Variants in SLIT3 observed in about 807,000 individuals in gnomAD.
SLIT3 encodes the protein slit homolog 3 protein.
In SLIT3, 68 loss-of-function variants were observed where a neutral mutation model predicts 184.0. That is an observed-to-expected ratio of 0.37 (90% CI 0.30 to 0.45). The LOEUF (loss-of-function observed/expected upper bound fraction) is 0.45. Among genes scored for constraint, SLIT3 ranks in the 20% least tolerant of loss-of-function variants. The pLI is 1.00. For missense variants in SLIT3, 1,707 were observed against 2,026.0 expected (o/e 0.84, Z 3.02); for synonymous variants, 831 against 828.6 (o/e 1.00, Z -0.05).
chr5:168,688,164 A>C (rs1761803346), intron 29 of SLIT3, among the ~76,000 whole-genome samples: 1 of 152,244 alleles, frequency 6.6e-6, no homozygotes, highest in Non-Finnish European at 1.5e-5. Flanking sequence ...CCACAGGCAC[A>C]TATAAGCAAA....
At chr5:168,713,631 C>T (rs1762628782) in intron 23 of SLIT3, among the ~76,000 whole-genome samples, 1 of 152,214 alleles carries the variant, frequency 6.6e-6, no homozygotes, top group African/African-American at 2.4e-5. Context: ...AGTGGAAGTA[C>T]AGATGGAATA....
At chr5:169,083,467 T>C (rs891483639) in intron 4 of SLIT3, among the ~76,000 whole-genome samples, 4 of 152,178 alleles carry the variant, frequency 2.6e-5, no homozygotes, top group African/African-American at 9.7e-5. Flanking sequence ...AACAGGTGAA[T>C]GGTGTTGAGG....
At chr5:169,020,114 T>C (rs550131244) in intron 4 of SLIT3, among the ~76,000 whole-genome samples, 24 of 150,038 alleles carry the variant, frequency 1.6e-4, no homozygotes, top group East Asian at 8.8e-4. Context: ...CAGAGGTGAG[T>C]GGTTAAGAGA....
At chr5:169,076,884 A>C (rs1478272467) in intron 4 of SLIT3, among the ~76,000 whole-genome samples, 1 of 152,146 alleles carries the variant, frequency 6.6e-6, no homozygotes, top group African/African-American at 2.4e-5. Flanking sequence ...CTTAGGATAT[A>C]ATAAAAATAT....
At chr5:169,150,312 T>A (rs773200781) in intron 4 of SLIT3, among the ~76,000 whole-genome samples, 2 of 152,168 alleles carry the variant, frequency 1.3e-5, no homozygotes, top group Non-Finnish European at 1.5e-5. Flanking sequence ...GTGCTTGCCA[T>A]GATCTGGTCT....
At chr5:169,024,228 G>C (rs1403440326) in intron 4 of SLIT3, 2 of 152,200 alleles carry the variant, frequency 1.3e-5, no homozygotes, top group African/African-American at 4.8e-5. Flanking sequence ...GTCCACCCCG[G>C]GAGGAAGCAG....
chr5:169,050,106 CAACAG>C (rs1238429277), intron 4 of SLIT3, among the ~76,000 whole-genome samples: 1 of 152,066 alleles, frequency 6.6e-6, no homozygotes, highest in African/African-American at 2.4e-5. Context: ...CTACAGTCAG[CAACAG>C]AACAGAATAG....
chr5:169,010,494 C>G (rs1309912528), intron 4 of SLIT3, among the ~76,000 whole-genome samples: 1 of 152,126 alleles, frequency 6.6e-6, no homozygotes, highest in Non-Finnish European at 1.5e-5. Context: ...CTAAATCTGG[C>G]AGCCCTAGAT....
chr5:169,210,471 G>A (rs931038404), intron 3 of SLIT3, among the ~76,000 whole-genome samples: 6 of 152,172 alleles, frequency 3.9e-5, no homozygotes, highest in Non-Finnish European at 8.8e-5. Context: ...TGCATGAATT[G>A]ACAAAAACCA....
At position 168,878,925 on chromosome 5, in the gene SLIT3, G is replaced by C. The variant is rs548124842; in HGVS notation, c.485+4340C>G. Among the ~76,000 whole-genome samples the C allele has an allele frequency of 1.3e-4, 20 of 152,168 alleles. 1 individual carries two copies. The South Asian group carries it at 3.5e-3, about 27-fold the overall frequency. ...AGATGGGGTTTCACCATGTTGGCCA[G>C]GCTGGTCTCGAATTCCTGACCTCAG... On this transcript the variant is annotated intron_variant, in intron 5 of 35. Coordinates refer to ENST00000519560, the MANE Select transcript of SLIT3 (RefSeq NM_003062.4).
intron 27 of SLIT3, among the ~76,000 whole-genome samples, chr5:168,698,429 A>T (rs1762122113): frequency 1.3e-5 from 2 of 152,278 alleles, no homozygotes; most frequent in East Asian, 1.9e-4. Context: ...ATGCAGGCAG[A>T]GAGAGGGGTG....
chr5:169,117,039 G>A (rs1405642316), intron 4 of SLIT3, among the ~76,000 whole-genome samples: 3 of 152,164 alleles, frequency 2.0e-5, no homozygotes, highest in African/African-American at 7.2e-5. Context: ...GGGCTTGAAA[G>A]GGTTGGCTCC....
intron 8 of SLIT3, among the ~76,000 whole-genome samples, chr5:168,808,599 A>G (rs1757057628): frequency 2.0e-5 from 3 of 152,174 alleles, no homozygotes; most frequent in Non-Finnish European, 2.9e-5. Flanking sequence ...TGTTTGTAAG[A>G]CTTTTGGCAA....
Position 168,673,274 on chromosome 5 carries a change from C to G in SLIT3, c.3744G>C (p.Gln1248His). The change falls in exon 33 of 36, where the codon CAG (glutamine) becomes CAC (histidine). Residue 1248 changes from glutamine (Q) to histidine (H), a missense_variant. By Grantham distance (24) the Gln-to-His change is conservative. This residue lies in a region of SLIT3 where 387 missense variants were observed against 477.9 expected (regional missense o/e 0.81). Transcript: ENST00000519560. ...CTTTGTCCACTACTAGGTTCAGGGT[C>G]TGGTTTAGCGTCACCAGCTCCACAC... The part of the protein sequence containing the change: ...FHSVELVTLN[Q>H]TLNLVVDKGT... 1.9e-6 allele frequency: 3 copies of G among 1,614,094 alleles called. No homozygotes were observed. The highest frequency in any genetic ancestry group is 2.5e-6 in the Non-Finnish European group (3 of 1,180,012).
intron 4 of SLIT3, among the ~76,000 whole-genome samples, chr5:168,951,112 C>T (rs557830363): frequency 1.3e-5 from 2 of 152,256 alleles, no homozygotes; most frequent in African/African-American, 4.8e-5. Context: ...CCCGGCTACT[C>T]AGGAGGATGA....
chr5:168,669,729 T>C (rs1761175600), intron 35 of SLIT3, 54 bp downstream of exon 35: 6 of 1,437,970 alleles, frequency 4.2e-6, no homozygotes, highest in Non-Finnish European at 5.8e-6. Context: ...GATCTGGATG[T>C]GAAGTCCAAC....
At position 168,873,194 on chromosome 5, in the gene SLIT3, G is replaced by A. The variant is rs115257964; in HGVS notation, c.485+10071C>T. Among the ~76,000 whole-genome samples, 1,430 of 152,202 alleles carry A rather than the reference G, an allele frequency of 9.4e-3. 18 individuals are homozygous for A. Among genetic ancestry groups the A allele is most frequent in the African/African-American group, 0.032 (1,324 of 41,512 alleles). ...GAGTCCACGCTAATCTTGGGATCCCGCTGTAGCCTTGCCATGACCCATTCT... is the reference window on the plus strand; with the variant it reads ...GAGTCCACGCTAATCTTGGGATCCCACTGTAGCCTTGCCATGACCCATTCT... On this transcript the variant is annotated intron_variant, in intron 5 of 35. Coordinates refer to ENST00000519560, the MANE Select transcript of SLIT3 (RefSeq NM_003062.4).
At chr5:169,255,224 TCC>T (rs1765909747) in intron 1 of SLIT3, among the ~76,000 whole-genome samples, 1 of 152,236 alleles carries the variant, frequency 6.6e-6, no homozygotes, top group African/African-American at 2.4e-5. Flanking sequence ...TAGAGCATAC[TCC>T]TTCTACTTAT....
intron 28 of SLIT3, among the ~76,000 whole-genome samples, chr5:168,695,602 T>C (rs1324417922): frequency 6.6e-6 from 1 of 152,226 alleles, no homozygotes; most frequent in Non-Finnish European, 1.5e-5. Context: ...ATTGGTAGCA[T>C]TTTGCTTCAC....
Sources: gnomAD v4.1 joint callset for allele counts (sites outside exome capture counted in the v4.1 genomes callset) on GRCh38, gnomAD v4.1.1 for gene constraint, gnomAD v4.1.1 regional missense constraint, MANE v1.5 for transcripts, NCBI Gene and HGNC (gene_info 2026-07-23, HGNC 2026-07-21) for gene names.